ACOT1: variants seen among roughly 807,000 people sequenced by gnomAD.
The protein encoded by ACOT1 is acyl-coenzyme A thioesterase 1.
In ACOT1, 8 loss-of-function variants were observed where a neutral mutation model predicts 15.7. The observed-to-expected ratio is 0.51, with a 90% CI of 0.30 to 0.92. ACOT1 has a LOEUF of 0.92. Among genes scored for constraint, ACOT1 ranks in the 40% least tolerant of loss-of-function variants. The pLI, the probability that ACOT1 is intolerant of heterozygous loss-of-function variation, is 0.06. For missense variants in ACOT1, 151 were observed against 539.4 expected, an observed-to-expected ratio of 0.28 and a Z score of 7.13; for synonymous variants, 67 against 241.2, an observed-to-expected ratio of 0.28 and a Z score of 6.69.
upstream of ACOT1, among the ~76,000 whole-genome samples, chr14:73,534,069 A>G: frequency 9.1e-6 from 1 of 110,328 alleles, no homozygotes; most frequent in South Asian, 2.9e-4. Flanking sequence ...GTGACAGAGC[A>G]AGACCTAGTC....
the ACOT1 span, chr14:73,518,974 C>T: frequency 6.4e-7 from 1 of 1,557,680 alleles, no homozygotes; most frequent in Non-Finnish European, 8.7e-7. Flanking sequence ...TGGGAAGTAG[C>T]CACATTCCCG....
chr14:73,493,310 A>C, the ACOT1 span: 1 of 573,352 alleles, frequency 1.7e-6, no homozygotes. Context: ...GTTCTTTTTC[A>C]TGGGCGGGTC....
At chr14:73,513,714 C>T in the ACOT1 span, among the ~76,000 whole-genome samples, 21 of 92,210 alleles carry the variant, frequency 2.3e-4, no homozygotes, top group East Asian at 3.5e-3. Context: ...GCAACAAGAG[C>T]GAAACTACGT....
At chr14:73,495,520 C>G in the ACOT1 span, 1 of 685,294 alleles carries the variant, frequency 1.5e-6, no homozygotes, top group African/African-American at 1.8e-5. Flanking sequence ...CAGTTCAAGG[C>G]TACAGTGAGC....
At chr14:73,523,196 A>G in the ACOT1 span, 2 of 1,513,556 alleles carry the variant, frequency 1.3e-6, no homozygotes, top group Non-Finnish European at 1.8e-6. Context: ...CCTGGCCTAG[A>G]GGAAAGGCCT....
chr14:73,506,659 C>T, the ACOT1 span: 3 of 995,128 alleles, frequency 3.0e-6, no homozygotes, highest in Non-Finnish European at 4.7e-6. Flanking sequence ...TGGCATCCTG[C>T]ATAATTAATG....
chr14:73,495,245 A>G, the ACOT1 span: 3 of 1,613,632 alleles, frequency 1.9e-6, no homozygotes, highest in African/African-American at 2.7e-5. Flanking sequence ...AGTTTCTTGG[A>G]GTAAAGTCTG....
the ACOT1 span, chr14:73,506,559 T>C: frequency 6.2e-7 from 1 of 1,613,176 alleles, no homozygotes; most frequent in Non-Finnish European, 8.5e-7. Flanking sequence ...GCAAGCATGG[T>C]GTGTATCAGG....
chr14:73,523,413 T>C, the ACOT1 span, among the ~76,000 whole-genome samples: 103,004 of 152,112 alleles, frequency 0.68, 35,474 homozygotes, highest in East Asian at 0.89. Context: ...ACCCGTGTTT[T>C]TGGTTCTTAT....
At chr14:73,513,176 C>T in the ACOT1 span, among the ~76,000 whole-genome samples, 2 of 152,272 alleles carry the variant, frequency 1.3e-5, no homozygotes, top group South Asian at 4.1e-4. Flanking sequence ...AAGATAGGGT[C>T]GCCTGGGTGC....
the ACOT1 span, among the ~76,000 whole-genome samples, chr14:73,516,758 C>G: frequency 2.0e-5 from 3 of 152,186 alleles, no homozygotes; most frequent in African/African-American, 7.2e-5. Context: ...GTCAGATCAG[C>G]AGTGGCATTA....
chr14:73,492,062 C>T, the ACOT1 span: 2 of 1,614,000 alleles, frequency 1.2e-6, no homozygotes, highest in Non-Finnish European at 1.7e-6. This position sits in a 1 kb window ranked among gnomAD's most constrained non-coding sequence, Gnocchi z 4.9. Flanking sequence ...GGCCTTCGTG[C>T]TGCAGCTGGA....
chr14:73,528,352 ACTGGACTCCAGC>A, the ACOT1 span, among the ~76,000 whole-genome samples: 14 of 135,086 alleles, frequency 1.0e-4, no homozygotes, highest in East Asian at 3.1e-3. Context: ...AGATCGCGCC[ACTGGACTCCAGC>A]CTGGACGACA....
the ACOT1 span, chr14:73,513,947 T>C: frequency 7.1e-7 from 1 of 1,402,416 alleles, no homozygotes; most frequent in Non-Finnish European, 1.0e-6. Flanking sequence ...GAGGGATGGA[T>C]TTTTCAAAGA....
the ACOT1 span, chr14:73,530,142 T>C: frequency 2.2e-5 from 3 of 136,226 alleles, 1 homozygote; most frequent in African/African-American, 7.8e-5. Flanking sequence ...TTTTAAAACT[T>C]TTTTTGTAGA....
chr14:73,504,931 G>GC, the ACOT1 span, among the ~76,000 whole-genome samples: 1 of 152,066 alleles, frequency 6.6e-6, no homozygotes, highest in East Asian at 1.9e-4. Context: ...TTCACCGACA[G>GC]TTGGTTTGTT....
the ACOT1 span, chr14:73,492,158 G>A: frequency 1.2e-6 from 2 of 1,613,976 alleles, no homozygotes; most frequent in Non-Finnish European, 1.7e-6. The surrounding 1 kb of genome is among the most constrained non-coding windows in gnomAD (Gnocchi z 4.9). Context: ...CAGTCAGGAC[G>A]ACCTCGGTGA....
At chr14:73,508,025 C>T in the ACOT1 span, 3 of 1,036,290 alleles carry the variant, frequency 2.9e-6, no homozygotes, top group African/African-American at 3.1e-5. Context: ...GGATTACAGG[C>T]ATAAGCCACT....
chr14:73,521,351 C>T, the ACOT1 span, among the ~76,000 whole-genome samples: 883 of 152,210 alleles, frequency 5.8e-3, 58 homozygotes, highest in South Asian at 0.12. Flanking sequence ...CTCTTAGAGG[C>T]GGCATGGCCT....
Sources: allele counts gnomAD v4.1 joint callset (sites outside exome capture counted in the v4.1 genomes callset), GRCh38; gene constraint gnomAD v4.1.1; non-coding constraint Gnocchi (gnomAD v3.1); transcripts MANE v1.5; gene names NCBI Gene and HGNC (gene_info 2026-07-23, HGNC 2026-07-21).